Variants in DAB1 observed in about 807,000 individuals in gnomAD.
DAB1 encodes the protein disabled homolog 1.
DAB1 carries 15 observed loss-of-function variants against 64.6 expected under a neutral mutation model. The observed-to-expected ratio is 0.23, with a 90% CI of 0.16 to 0.36. The LOEUF (loss-of-function observed/expected upper bound fraction) is 0.36. DAB1 is among the 10% of genes least tolerant of loss of function. DAB1 has a pLI of 1.00. For missense variants in DAB1, 596 were observed against 706.7 expected (o/e 0.84, Z 1.78); for synonymous variants, 235 against 251.9 (o/e 0.93, Z 0.64).
intron 6 of DAB1, among the ~76,000 whole-genome samples, chr1:57,676,138 A>C (rs1278680503): frequency 6.6e-6 from 1 of 152,218 alleles, no homozygotes; most frequent in Non-Finnish European, 1.5e-5. Context: ...AACATAGGGC[A>C]GGGAGGCTTT....
At chr1:57,657,472 C>T (rs1229660727) in intron 6 of DAB1, among the ~76,000 whole-genome samples, 1 of 152,188 alleles carries the variant, frequency 6.6e-6, no homozygotes, top group Admixed American at 6.5e-5. Context: ...CACTGACCCT[C>T]CTCCTTTCTA....
At chr1:57,390,587 G>A (rs1049321595) in intron 1 of DAB1, among the ~76,000 whole-genome samples, 3 of 152,032 alleles carry the variant, frequency 2.0e-5, no homozygotes, top group Non-Finnish European at 4.4e-5. Flanking sequence ...ACCTTCTTCT[G>A]GACAATTAAC....
At chr1:57,443,737 A>G (rs1160670914) in intron 7 of DAB1, among the ~76,000 whole-genome samples, 1 of 152,168 alleles carries the variant, frequency 6.6e-6, no homozygotes, top group Non-Finnish European at 1.5e-5. Context: ...TCCTACCTCC[A>G]ACATGGAACT....
At chr1:58,519,941 G>T in intron 2 of DAB1, among the ~76,000 whole-genome samples, 1 of 151,372 alleles carries the variant, frequency 6.6e-6, no homozygotes, top group East Asian at 1.9e-4. Flanking sequence ...TAAGATTAAT[G>T]AACTTCAAGA....
intron 5 of DAB1, among the ~76,000 whole-genome samples, chr1:58,145,288 C>T (rs1172334079): frequency 6.6e-6 from 1 of 152,176 alleles, no homozygotes; most frequent in Non-Finnish European, 1.5e-5. Context: ...GGTGCAGTGC[C>T]CTGCAATGTG....
intron 7 of DAB1, among the ~76,000 whole-genome samples, chr1:57,489,077 C>T (rs1644129392): frequency 6.6e-6 from 1 of 152,204 alleles, no homozygotes; most frequent in South Asian, 2.1e-4. Context: ...CTTTGACTCT[C>T]TGGGCCTCCA....
At chr1:57,724,467 C>T (rs573702018) in intron 6 of DAB1, among the ~76,000 whole-genome samples, 1 of 152,232 alleles carries the variant, frequency 6.6e-6, no homozygotes, top group African/African-American at 2.4e-5. Flanking sequence ...TTTGTCTTAC[C>T]GATTCCTTTG....
At chr1:57,708,790 G>T (rs1460618613) in intron 6 of DAB1, among the ~76,000 whole-genome samples, 1 of 152,078 alleles carries the variant, frequency 6.6e-6, no homozygotes, top group African/African-American at 2.4e-5. Context: ...ATGCTCTGCT[G>T]CTTGGGTTTG....
chr1:57,149,183 T>C (rs1001361085), intron 2 of DAB1, among the ~76,000 whole-genome samples: 6 of 152,198 alleles, frequency 3.9e-5, no homozygotes, highest in Non-Finnish European at 5.9e-5. Flanking sequence ...TCAGTAATGC[T>C]TTTTTTGCTG....
intron 5 of DAB1, among the ~76,000 whole-genome samples, chr1:58,057,393 C>G (rs760516735): frequency 6.6e-6 from 1 of 152,056 alleles, no homozygotes; most frequent in African/African-American, 2.4e-5. Flanking sequence ...TTAGTTAAAA[C>G]GAGGCCATAC....
In DAB1 at chr1:57,717,185, C is replaced by T. The variant is rs555290343; in HGVS notation, n.552-67520G>A. Reference sequence around the variant, plus strand: ...AACCCGGGAGGCATATGTGGTGAGCCGAGACCGCACCATTGCACTCCAGCC... The same window carrying T: ...AACCCGGGAGGCATATGTGGTGAGCTGAGACCGCACCATTGCACTCCAGCC... On this transcript the variant is annotated intron_variant and non_coding_transcript_variant, in intron 6 of 20. Transcript: ENST00000485760. 4.6e-5 allele frequency among the ~76,000 whole-genome samples: 7 copies of T among 151,210 alleles called. No individual in the cohort carries two copies. The South Asian group carries it at 8.4e-4, about 18-fold the overall frequency.
chr1:57,282,276 C>T (rs1671979747), intron 2 of DAB1, among the ~76,000 whole-genome samples: 1 of 150,162 alleles, frequency 6.7e-6, no homozygotes, highest in South Asian at 2.1e-4. Flanking sequence ...GGTAAGAGAG[C>T]TATCCAAGGT....
chr1:57,769,732 G>A (rs563106030), intron 6 of DAB1, among the ~76,000 whole-genome samples: 6 of 152,266 alleles, frequency 3.9e-5, no homozygotes, highest in South Asian at 2.1e-4. Flanking sequence ...ACCCAACACC[G>A]ATAAAAATAG....
At chr1:57,847,995 G>A (rs1653362628) in intron 1 of DAB1, among the ~76,000 whole-genome samples, 1 of 152,156 alleles carries the variant, frequency 6.6e-6, no homozygotes, top group African/African-American at 2.4e-5. Context: ...AGAACAAGGA[G>A]GCTAACTGAT....
At chr1:57,580,657 A>T (rs920427568) in intron 7 of DAB1, among the ~76,000 whole-genome samples, 1 of 152,058 alleles carries the variant, frequency 6.6e-6, no homozygotes, top group Non-Finnish European at 1.5e-5. Flanking sequence ...AGATGCTAAG[A>T]CCATACAGGG....
At chr1:57,072,954 G>T (rs1651647230) in intron 4 of DAB1, among the ~76,000 whole-genome samples, 1 of 152,294 alleles carries the variant, frequency 6.6e-6, no homozygotes, top group East Asian at 1.9e-4. Flanking sequence ...ACCACTGGGG[G>T]TAGAGGCGGG....
intron 3 of DAB1, among the ~76,000 whole-genome samples, chr1:58,391,098 A>G (rs1326469137): frequency 1.3e-5 from 2 of 152,194 alleles, no homozygotes; most frequent in Non-Finnish European, 2.9e-5. Context: ...AAAACTATTC[A>G]GGGGCCTCAT....
chr1:57,659,498 G>C (rs992444630), intron 6 of DAB1, among the ~76,000 whole-genome samples: 2 of 152,102 alleles, frequency 1.3e-5, no homozygotes, highest in Admixed American at 1.3e-4. Flanking sequence ...CAAGCTTTGG[G>C]ATAGGTCAGG....
intron 7 of DAB1, among the ~76,000 whole-genome samples, chr1:57,481,766 G>A (rs1024180175): frequency 2.7e-5 from 4 of 150,726 alleles, no homozygotes; most frequent in Non-Finnish European, 5.9e-5. Flanking sequence ...GCAGTGAGCT[G>A]AGATCACACC....
Sources: gnomAD v4.1 joint callset for allele counts (sites outside exome capture counted in the v4.1 genomes callset) on GRCh38, gnomAD v4.1.1 for gene constraint, MANE v1.5 for transcripts, NCBI Gene and HGNC (gene_info 2026-07-23, HGNC 2026-07-21) for gene names.